The following ADAMTSL1 variants were observed in gnomAD, a reference collection of about 807,000 sequenced individuals.
ADAMTSL1 encodes the protein ADAMTS-like protein 1.
A neutral mutation model predicts 201.8 loss-of-function variants in ADAMTSL1; 126 were observed. That is an observed-to-expected ratio of 0.62 (90% CI 0.54 to 0.72). The LOEUF (loss-of-function observed/expected upper bound fraction) is 0.72. ADAMTSL1 is among the 30% of genes least tolerant of loss of function. ADAMTSL1 has a pLI of 0.00. For synonymous variants in ADAMTSL1, 1,121 were observed against 903.4 expected (o/e 1.24, Z -4.32); for missense variants, 2,679 against 2,277.8 (o/e 1.18, Z -3.59).
Position 18,292,814 on chromosome 9 carries a change from G to T in ADAMTSL1, c.207+128833G>T, listed in dbSNP as rs183030923. On this transcript the variant is annotated intron_variant, in intron 2 of 29. Coordinates refer to the ADAMTSL1 transcript ENST00000680146. The stretch of plus-strand genomic sequence containing the variant: ...CCTGCTTTTGAGGTTTTGGGACTGA[G>T]ACTGATCCACCACTAGCTTCCTTGT... 2.0e-3 allele frequency among the ~76,000 whole-genome samples: 309 copies of T among 152,298 alleles called. 1 individual carries two copies. Among genetic ancestry groups the T allele is most frequent in the Non-Finnish European group, 2.8e-3 (191 of 68,012 alleles).
At chr9:18,371,478 T>C (rs1837040595) in intron 2 of ADAMTSL1, among the ~76,000 whole-genome samples, 1 of 152,234 alleles carries the variant, frequency 6.6e-6, no homozygotes, top group Admixed American at 6.5e-5. Context: ...TGATATTATC[T>C]GAGTTGTTAC....
intron 2 of ADAMTSL1, among the ~76,000 whole-genome samples, chr9:18,530,425 C>A (rs148486388): frequency 4.6e-5 from 7 of 152,192 alleles, no homozygotes; most frequent in Non-Finnish European, 8.8e-5. Flanking sequence ...AGCAAAATCT[C>A]ACCATTGAAT....
intron 1 of ADAMTSL1, among the ~76,000 whole-genome samples, chr9:18,060,188 T>C (rs1206175236): frequency 2.0e-5 from 3 of 152,170 alleles, no homozygotes; most frequent in Non-Finnish European, 4.4e-5. Flanking sequence ...ATTTTTTAAG[T>C]GCAATTGGCA....
At chr9:18,574,321 G>A in intron 4 of ADAMTSL1, 55 bp downstream of exon 4, 1 of 1,459,138 alleles carries the variant, frequency 6.9e-7, no homozygotes, top group Non-Finnish European at 9.6e-7. Context: ...ATGTCTTTGT[G>A]TAAATGGTTT....
At chr9:18,239,663 G>C (rs1008300445) in intron 2 of ADAMTSL1, among the ~76,000 whole-genome samples, 1 of 152,076 alleles carries the variant, frequency 6.6e-6, no homozygotes, top group Non-Finnish European at 1.5e-5. Context: ...CATGACAATT[G>C]CTTGAACCCA....
intron 2 of ADAMTSL1, among the ~76,000 whole-genome samples, chr9:18,228,285 C>T (rs1468174010): frequency 2.6e-5 from 4 of 152,110 alleles, no homozygotes; most frequent in Non-Finnish European, 5.9e-5. Flanking sequence ...CAGTTATGGG[C>T]ACTTGGGCAC....
chr9:18,188,593 A>G (rs1324530797), intron 2 of ADAMTSL1, among the ~76,000 whole-genome samples: 4 of 152,208 alleles, frequency 2.6e-5, no homozygotes, highest in African/African-American at 9.6e-5. Context: ...AAGGGAAAAT[A>G]GTGCAATAAT....
At chr9:18,346,529 T>C (rs1159440732) in intron 2 of ADAMTSL1, among the ~76,000 whole-genome samples, 3 of 152,114 alleles carry the variant, frequency 2.0e-5, no homozygotes, top group South Asian at 2.1e-4. Flanking sequence ...TGAACATCCA[T>C]ATGAAGAAAA....
At chr9:18,904,633 CAAAA>C (rs71333072) in intron 26 of ADAMTSL1, among the ~76,000 whole-genome samples, 1 of 14,982 alleles carries the variant, frequency 6.7e-5, no homozygotes, top group African/African-American at 2.2e-4. Context: ...GACCCTGCCT[CAAAA>C]AAAAAAAAAA....
chr9:18,110,278 G>A (rs988719210), intron 1 of ADAMTSL1, among the ~76,000 whole-genome samples: 6 of 152,094 alleles, frequency 3.9e-5, no homozygotes, highest in African/African-American at 1.2e-4. Flanking sequence ...GCATCTCAAG[G>A]GTCTTCCATG....
At chr9:18,303,605 A>C (rs1833788287) in intron 2 of ADAMTSL1, among the ~76,000 whole-genome samples, 1 of 152,122 alleles carries the variant, frequency 6.6e-6, no homozygotes, top group African/African-American at 2.4e-5. Context: ...CATCAAGCTG[A>C]GGGAATGAGG....
intron 8 of ADAMTSL1, among the ~76,000 whole-genome samples, chr9:18,659,703 G>A (rs1206639825): frequency 6.6e-6 from 1 of 152,140 alleles, no homozygotes; most frequent in Non-Finnish European, 1.5e-5. Flanking sequence ...GGAGGCAGAG[G>A]TTGCAGTGAG....
At position 18,511,008 on chromosome 9, in the gene ADAMTSL1, A is replaced by G. The variant is rs371187414; in HGVS notation, c.191+6052A>G. 4.4e-4 allele frequency among the ~76,000 whole-genome samples: 67 copies of G among 152,270 alleles called. No individual in the cohort carries two copies. The East Asian group carries it at 8.9e-3, about 20-fold the overall frequency. On this transcript the variant is annotated intron_variant, in intron 2 of 28. Coordinates refer to ENST00000380548, the MANE Select transcript of ADAMTSL1 (RefSeq NM_001040272.6). ...AGCCAGCTAATTTAGCTTTGCTCAT[A>G]AGAAGTTCCAAATGCATAAGACAGT... is the stretch of plus-strand genomic sequence containing the variant.
At chr9:17,968,823 A>G (rs1818083652) in intron 1 of ADAMTSL1, among the ~76,000 whole-genome samples, 1 of 152,128 alleles carries the variant, frequency 6.6e-6, no homozygotes, top group Non-Finnish European at 1.5e-5. Flanking sequence ...TCCTTCACTG[A>G]GGTTTTAAAC....
intron 2 of ADAMTSL1, among the ~76,000 whole-genome samples, chr9:18,351,688 C>A (rs1835971198): frequency 6.6e-6 from 1 of 152,188 alleles, no homozygotes; most frequent in Non-Finnish European, 1.5e-5. Flanking sequence ...GCAATGGGTA[C>A]ACCATGTAAG....
At position 18,741,472 on chromosome 9, in the gene ADAMTSL1, G is replaced by A. The variant is rs187126408; in HGVS notation, c.2007-11826G>A. On this transcript the variant is annotated intron_variant, in intron 15 of 28. Coordinates refer to ENST00000380548, the MANE Select transcript of ADAMTSL1 (RefSeq NM_001040272.6). Reference sequence around the variant, plus strand: ...CCTTCCCAGGCATTTCACTTGTAGAGAAAACTCATGAATATAAATGTCCAG... The same window carrying A: ...CCTTCCCAGGCATTTCACTTGTAGAAAAAACTCATGAATATAAATGTCCAG... Among the ~76,000 whole-genome samples the A allele has an allele frequency of 1.1e-3, 173 of 152,312 alleles. 1 individual carries two copies. The highest frequency in any genetic ancestry group is 3.8e-3 in the African/African-American group (160 of 41,566).
At chr9:17,978,556 TGAAA>T (rs1563930258) in intron 1 of ADAMTSL1, among the ~76,000 whole-genome samples, 1 of 151,866 alleles carries the variant, frequency 6.6e-6, no homozygotes, top group East Asian at 1.9e-4. Context: ...TGATTGCTTA[TGAAA>T]ACACTATACT....
intron 1 of ADAMTSL1, among the ~76,000 whole-genome samples, chr9:18,002,531 A>T (rs1385026526): frequency 6.6e-6 from 1 of 152,106 alleles, no homozygotes; most frequent in African/African-American, 2.4e-5. Flanking sequence ...ATGTGACCAT[A>T]GCATTAATGA....
chr9:18,598,955 C>G (rs759778879), intron 4 of ADAMTSL1, among the ~76,000 whole-genome samples: 3 of 152,088 alleles, frequency 2.0e-5, no homozygotes, highest in Non-Finnish European at 4.4e-5. Flanking sequence ...TTTTGTTTTC[C>G]CAAGTTTTTG....
Sources: allele counts gnomAD v4.1 joint callset (sites outside exome capture counted in the v4.1 genomes callset), GRCh38; gene constraint gnomAD v4.1.1; transcripts MANE v1.5; gene names NCBI Gene and HGNC (gene_info 2026-07-23, HGNC 2026-07-21).